SLC24A4: variants seen among roughly 807,000 people sequenced by gnomAD.
SLC24A4 encodes sodium/potassium/calcium exchanger 4.
Under a neutral mutation model 79.0 loss-of-function variants are expected in SLC24A4, and 53 were observed. That is an observed-to-expected ratio of 0.67 (90% CI 0.54 to 0.84). The LOEUF (loss-of-function observed/expected upper bound fraction) is 0.84, where lower values mean the gene tolerates loss of function less well. Among genes scored for constraint, SLC24A4 ranks in the 40% least tolerant of loss-of-function variants. SLC24A4 has a pLI of 0.00. For missense variants in SLC24A4, 731 were observed against 822.0 expected (o/e 0.89, Z 1.35); for synonymous variants, 323 against 323.8 (o/e 1.00, Z 0.03).
At chr14:92,478,823 C>T (rs758213793) in intron 12 of SLC24A4, among the ~76,000 whole-genome samples, 4 of 152,034 alleles carry the variant, frequency 2.6e-5, no homozygotes, top group South Asian at 2.1e-4. Flanking sequence ...TTAAGCCTTC[C>T]GATTCATAAA....
intron 2 of SLC24A4, among the ~76,000 whole-genome samples, chr14:92,409,368 G>A (rs565361741): frequency 6.6e-5 from 10 of 152,332 alleles, no homozygotes; most frequent in Admixed American, 2.0e-4. Flanking sequence ...TTTCTGAAGC[G>A]TAGTGACGGT....
intron 2 of SLC24A4, among the ~76,000 whole-genome samples, chr14:92,411,821 T>TA (rs1441824179): frequency 6.6e-6 from 1 of 152,170 alleles, no homozygotes; most frequent in Non-Finnish European, 1.5e-5. Flanking sequence ...GACTGTCAAA[T>TA]AATCTTCTAA....
chr14:92,421,411 G>A (rs11624626), intron 2 of SLC24A4, among the ~76,000 whole-genome samples: 62,419 of 151,920 alleles, frequency 0.41, 13,111 homozygotes, highest in Non-Finnish European at 0.44. Flanking sequence ...TCTGATTTCT[G>A]TCACTGACCT....
At chr14:92,387,307 G>T (rs2141725731) in intron 2 of SLC24A4, among the ~76,000 whole-genome samples, 1 of 152,036 alleles carries the variant, frequency 6.6e-6, no homozygotes, top group Admixed American at 6.5e-5. Flanking sequence ...CTCCCAAGTA[G>T]CTGGGATTAC....
intron 2 of SLC24A4, among the ~76,000 whole-genome samples, chr14:92,426,012 A>G (rs553059785): frequency 3.9e-5 from 6 of 152,010 alleles, no homozygotes; most frequent in Non-Finnish European, 8.8e-5. Context: ...CAATCAATCA[A>G]TCAATATAAA....
chr14:92,417,600 A>T (rs1042769548), intron 2 of SLC24A4, among the ~76,000 whole-genome samples: 1 of 152,260 alleles, frequency 6.6e-6, no homozygotes. Context: ...GGGCCTTCCC[A>T]TTCACTAACC....
intron 7 of SLC24A4, among the ~76,000 whole-genome samples, chr14:92,443,895 T>C (rs1892644906): frequency 6.6e-6 from 1 of 152,130 alleles, no homozygotes; most frequent in African/African-American, 2.4e-5. Context: ...CTACTGGCTG[T>C]TCCACAGGGC....
At chr14:92,491,969 C>T (rs1895699747) in intron 15 of SLC24A4, among the ~76,000 whole-genome samples, 192 bp downstream of exon 15, 1 of 152,150 alleles carries the variant, frequency 6.6e-6, no homozygotes, top group Non-Finnish European at 1.5e-5. Flanking sequence ...GCTGGCGTGC[C>T]TCTCCCCATC....
At position 92,328,452 on chromosome 14, in the gene SLC24A4, C is replaced by T. The variant is rs559939375; in HGVS notation, c.241+2474C>T. Reference sequence around the variant, plus strand: ...AGGTGCACAGAGGAGGATGCGCTGGCCCGGTGTCCTTCTGTGTAGCCTGGG... The same window carrying T: ...AGGTGCACAGAGGAGGATGCGCTGGTCCGGTGTCCTTCTGTGTAGCCTGGG... On this transcript the variant is annotated intron_variant, in intron 2 of 16. Coordinates refer to ENST00000532405, the MANE Select transcript of SLC24A4 (RefSeq NM_153646.4). 2.6e-5 allele frequency among the ~76,000 whole-genome samples: 4 copies of T among 152,350 alleles called. No homozygotes were observed. The East Asian group carries it at 7.7e-4, about 29-fold the overall frequency.
chr14:92,491,114 A>C (rs3993872), intron 14 of SLC24A4, among the ~76,000 whole-genome samples: 65,630 of 152,038 alleles, frequency 0.43, 14,408 homozygotes, highest in Non-Finnish European at 0.47. Context: ...ATCTTTGTTC[A>C]TTCTCTCTCT....
chr14:92,455,643 C>T (rs898762775), intron 11 of SLC24A4, among the ~76,000 whole-genome samples: 8 of 151,904 alleles, frequency 5.3e-5, no homozygotes, highest in African/African-American at 1.2e-4. Context: ...GTGCCTGAGG[C>T]GAGTCTTTGA....
chr14:92,475,010 T>A (rs1894690613), intron 12 of SLC24A4, among the ~76,000 whole-genome samples: 1 of 151,340 alleles, frequency 6.6e-6, no homozygotes, highest in Non-Finnish European at 1.5e-5. Flanking sequence ...TATTTGAACC[T>A]GTGTCTTTAT....
In SLC24A4 at chr14:92,398,034, C is replaced by T. The variant is rs142182232; in HGVS notation, c.242-35878C>T. Among the ~76,000 whole-genome samples the T allele has an allele frequency of 4.3e-4, 66 of 152,334 alleles. No homozygotes were observed. The highest frequency in any genetic ancestry group is 1.5e-3 in the African/African-American group (62 of 41,578). On this transcript the variant is annotated intron_variant, in intron 2 of 16. Coordinates refer to ENST00000532405, the MANE Select transcript of SLC24A4 (RefSeq NM_153646.4). This position sits in a 1 kb window ranked among gnomAD's most constrained non-coding sequence, Gnocchi z 4.1. ...TCTCCCCTATGCCAGGCCCTGCGCA[C>T]ATGTGACCTTCTCTGTCATAGCCCT...
Position 92,454,048 on chromosome 14 carries a change from C to T in SLC24A4, c.1029C>T (p.Ala343=), listed in dbSNP as rs1320852381. The change falls in exon 11 of 17, where the codon GCC becomes GCT. Residue 343 remains alanine (A), a synonymous_variant. Coordinates refer to ENST00000532405, the MANE Select transcript of SLC24A4 (RefSeq NM_153646.4). ...KFGPRTRLRM[A]SRIIINERQR... ...GACCCAGGACCCGACTACGGATGGC[C>T]AGCAGGATCATCATTAATGAGGTGA... 1 of 1,613,142 alleles carries T rather than the reference C, an allele frequency of 6.2e-7. No individual in the cohort carries two copies. Among genetic ancestry groups the T allele is most frequent in the Non-Finnish European group, 8.5e-7 (1 of 1,179,544 alleles).
rs1367728512 is a variant in SLC24A4 at position 92,324,816 on chromosome 14, ATGGAAG to A, written c.130+857_130+862del. On this transcript the variant is annotated intron_variant, in intron 1 of 16. Coordinates refer to ENST00000532405, the MANE Select transcript of SLC24A4 (RefSeq NM_153646.4). ...ATGCTGGTGATTTAAACACCAAGACATGGAAGGTAAAGCGGGTAGTACCTTCTTGAG... is the reference window on the plus strand; with the variant it reads ...ATGCTGGTGATTTAAACACCAAGACAGTAAAGCGGGTAGTACCTTCTTGAG... Among the ~76,000 whole-genome samples the A allele has an allele frequency of 2.6e-5, 4 of 152,228 alleles. No individual in the cohort carries two copies. In the East Asian group the frequency reaches 7.7e-4, roughly 29 times the overall value.
At chr14:92,377,118 A>G (rs1005597252) in intron 2 of SLC24A4, among the ~76,000 whole-genome samples, 1 of 152,228 alleles carries the variant, frequency 6.6e-6, no homozygotes, top group African/African-American at 2.4e-5. Context: ...AGGAGGGATG[A>G]GTAACCTCTC....
intron 2 of SLC24A4, among the ~76,000 whole-genome samples, chr14:92,356,208 C>T (rs1023115667): frequency 3.3e-5 from 5 of 151,996 alleles, no homozygotes; most frequent in Admixed American, 6.6e-5. Context: ...TAGGATGTTC[C>T]GTAGATTGGG....
chr14:92,328,090 G>T (rs1360325822), intron 2 of SLC24A4, among the ~76,000 whole-genome samples: 1 of 152,024 alleles, frequency 6.6e-6, no homozygotes, highest in Non-Finnish European at 1.5e-5. Context: ...ACATACTGGG[G>T]TCACCTGGAT....
intron 1 of SLC24A4, among the ~76,000 whole-genome samples, chr14:92,324,486 C>T (rs560083720): frequency 1.3e-5 from 2 of 152,368 alleles, no homozygotes; most frequent in East Asian, 1.9e-4. Context: ...AGCATCGCGT[C>T]TCTCAACTCC....
Sources: allele counts gnomAD v4.1 joint callset (sites outside exome capture counted in the v4.1 genomes callset), GRCh38; gene constraint gnomAD v4.1.1; non-coding constraint Gnocchi (gnomAD v3.1); transcripts MANE v1.5; gene names NCBI Gene and HGNC (gene_info 2026-07-23, HGNC 2026-07-21).